Variants in NALF1 observed in about 807,000 individuals in gnomAD.
NALF1 encodes the protein NALCN channel auxiliary factor 1, also known as family with sequence similarity 155 member A.
NALF1 carries 3 observed loss-of-function variants against 48.4 expected under a neutral mutation model. That is an observed-to-expected ratio of 0.06 (90% CI 0.03 to 0.16). The LOEUF is 0.16. Among genes scored for constraint, NALF1 ranks in the 10% least tolerant of loss-of-function variants. NALF1 has a pLI of 1.00. For synonymous variants in NALF1, 262 were observed against 245.7 expected (o/e 1.07, Z -0.62); for missense variants, 526 against 571.5 (o/e 0.92, Z 0.81).
intron 1 of NALF1, among the ~76,000 whole-genome samples, chr13:107,679,278 T>G (rs571725015): frequency 1.2e-4 from 18 of 152,340 alleles, no homozygotes; most frequent in African/African-American, 3.6e-4. Context: ...TTTCTTAAGT[T>G]TTTTTTGAAA....
chr13:107,322,125 A>G (rs1594119560), intron 1 of NALF1, among the ~76,000 whole-genome samples: 1 of 152,132 alleles, frequency 6.6e-6, no homozygotes, highest in African/African-American at 2.4e-5. Context: ...AGTTATTTCC[A>G]TTGGCTGGTC....
chr13:107,329,625 A>G (rs996037574), intron 1 of NALF1, among the ~76,000 whole-genome samples: 3 of 150,570 alleles, frequency 2.0e-5, no homozygotes, highest in Non-Finnish European at 4.4e-5. Context: ...AACATTAGGT[A>G]TATCTCCTAA....
At chr13:107,234,947 A>G (rs1880310100) in intron 1 of NALF1, among the ~76,000 whole-genome samples, 2 of 152,130 alleles carry the variant, frequency 1.3e-5, no homozygotes, top group Admixed American at 1.3e-4. Flanking sequence ...GAGCCACAGT[A>G]CAGCTCCCAT....
intron 1 of NALF1, among the ~76,000 whole-genome samples, chr13:107,243,252 T>C (rs1245718969): frequency 6.6e-6 from 1 of 152,206 alleles, no homozygotes; most frequent in African/African-American, 2.4e-5. Context: ...TTATGCATCT[T>C]ACATATTTTA....
At chr13:107,376,102 A>C (rs140557116) in intron 1 of NALF1, among the ~76,000 whole-genome samples, 61 of 152,248 alleles carry the variant, frequency 4.0e-4, no homozygotes, top group Non-Finnish European at 6.8e-4. Context: ...TGGACAATCA[A>C]GCAGCCCTTG....
chr13:107,270,667 TTTTATTA>T (rs1881143257), intron 1 of NALF1, among the ~76,000 whole-genome samples: 7 of 35,428 alleles, frequency 2.0e-4, no homozygotes, highest in Non-Finnish European at 1.0e-3. Flanking sequence ...ATATATATAT[TTTTATTA>T]TTATTATACT....
At chr13:107,822,534 C>G (rs1566495911) in intron 1 of NALF1, among the ~76,000 whole-genome samples, 3 of 152,248 alleles carry the variant, frequency 2.0e-5, no homozygotes, top group Middle Eastern at 3.4e-3. Context: ...TTCCACTACA[C>G]ACCCCAAAAT....
chr13:107,620,459 T>G (rs1177895539), intron 1 of NALF1, among the ~76,000 whole-genome samples: 2 of 152,200 alleles, frequency 1.3e-5, no homozygotes, highest in Non-Finnish European at 2.9e-5. Flanking sequence ...TAATTAGATG[T>G]TCACAAATCT....
chr13:107,717,338 T>C (rs549987775), intron 1 of NALF1, among the ~76,000 whole-genome samples: 14 of 152,284 alleles, frequency 9.2e-5, no homozygotes, highest in Middle Eastern at 3.4e-3. Flanking sequence ...CGTATGGACA[T>C]ATCAGAAATG....
intron 2 of NALF1, among the ~76,000 whole-genome samples, chr13:107,188,026 G>A (rs975170560): frequency 5.3e-5 from 8 of 152,028 alleles, no homozygotes; most frequent in East Asian, 1.9e-4. Context: ...ACAGAGAGAC[G>A]GGAGGTAAAA....
At chr13:107,734,518 A>C (rs985994662) in intron 1 of NALF1, among the ~76,000 whole-genome samples, 1 of 152,110 alleles carries the variant, frequency 6.6e-6, no homozygotes, top group Non-Finnish European at 1.5e-5. Flanking sequence ...AGTCTTTTAT[A>C]AATAAGTCCT....
At chr13:107,753,672 T>C (rs1183434408) in intron 1 of NALF1, among the ~76,000 whole-genome samples, 2 of 152,214 alleles carry the variant, frequency 1.3e-5, no homozygotes, top group African/African-American at 4.8e-5. Flanking sequence ...TGGGATTTTA[T>C]GCAATTTTCC....
intron 1 of NALF1, among the ~76,000 whole-genome samples, chr13:107,403,806 C>A (rs967881251): frequency 2.6e-5 from 4 of 151,730 alleles, no homozygotes; most frequent in Non-Finnish European, 4.4e-5. Context: ...TCTGAACAAG[C>A]AGAAACGTCT....
intron 1 of NALF1, among the ~76,000 whole-genome samples, chr13:107,510,686 T>G (rs1875858239): frequency 6.6e-6 from 1 of 152,178 alleles, no homozygotes. Context: ...GCCTTGATAC[T>G]CTGCGGCTGA....
In NALF1 at chr13:107,789,885, C is replaced by T. The variant is rs148672817; in HGVS notation, c.915+75797G>A. 2.0e-3 allele frequency among the ~76,000 whole-genome samples: 301 copies of T among 152,164 alleles called. 2 individuals carry two copies. In the East Asian group the frequency reaches 0.032, roughly 16 times the overall value. On this transcript the variant is annotated intron_variant, in intron 1 of 2. Coordinates refer to ENST00000375915, the MANE Select transcript of NALF1 (RefSeq NM_001080396.3). ...CAACCAACTATTATGTCTTGAGTTACGTATATAGGCAAATAAGGATAAAAG... is the reference window on the plus strand; with the variant it reads ...CAACCAACTATTATGTCTTGAGTTATGTATATAGGCAAATAAGGATAAAAG...
chr13:107,710,249 C>G (rs560125978), intron 1 of NALF1, among the ~76,000 whole-genome samples: 1 of 152,070 alleles, frequency 6.6e-6, no homozygotes, highest in South Asian at 2.1e-4. Context: ...CCAAACCTCT[C>G]GGTATCTACT....
chr13:107,436,032 T>C (rs1203298001), intron 1 of NALF1, among the ~76,000 whole-genome samples: 1 of 152,168 alleles, frequency 6.6e-6, no homozygotes, highest in Non-Finnish European at 1.5e-5. Context: ...AGGGGTGCCA[T>C]CTTTATAAAA....
At chr13:107,188,699 T>C (rs899671627) in intron 2 of NALF1, among the ~76,000 whole-genome samples, 2 of 152,070 alleles carry the variant, frequency 1.3e-5, no homozygotes, top group African/African-American at 2.4e-5. Context: ...TAAGGATGAG[T>C]CCTCCACTCT....
chr13:107,353,277 C>T (rs1882906968), intron 1 of NALF1, among the ~76,000 whole-genome samples: 1 of 152,116 alleles, frequency 6.6e-6, no homozygotes, highest in Non-Finnish European at 1.5e-5. Context: ...TATGAATTTG[C>T]CTTATGTCAG....
Sources: gnomAD v4.1 joint callset for allele counts (sites outside exome capture counted in the v4.1 genomes callset) on GRCh38, gnomAD v4.1.1 for gene constraint, MANE v1.5 for transcripts, NCBI Gene and HGNC (gene_info 2026-07-23, HGNC 2026-07-21) for gene names.